TRIM2: variants seen among roughly 807,000 people sequenced by gnomAD.
The protein encoded by TRIM2 is tripartite motif containing 2, also known as tripartite motif-containing protein 2.
In TRIM2, 20 loss-of-function variants were observed where a neutral mutation model predicts 75.2. The ratio of observed to expected loss-of-function variants is 0.27; its 90% confidence interval spans 0.19 to 0.39. TRIM2 has a LOEUF of 0.39. TRIM2 is among the 10% of genes least tolerant of loss of function. TRIM2 has a pLI of 1.00. For missense variants in TRIM2, 660 were observed against 990.8 expected, an observed-to-expected ratio of 0.67 and a Z score of 4.48; for synonymous variants, 373 against 388.3, an observed-to-expected ratio of 0.96 and a Z score of 0.46.
intron 1 of TRIM2, among the ~76,000 whole-genome samples, chr4:153,171,882 G>C (rs1211018394): frequency 8.2e-6 from 1 of 122,110 alleles, no homozygotes; most frequent in Non-Finnish European, 1.6e-5. Flanking sequence ...GCAAATCTCA[G>C]ATATTTTGAT....
intron 1 of TRIM2, among the ~76,000 whole-genome samples, chr4:153,183,212 G>A (rs933891780): frequency 1.3e-5 from 2 of 152,202 alleles, no homozygotes; most frequent in African/African-American, 2.4e-5. Flanking sequence ...CACAGCTGTC[G>A]TGGTCTGCAC....
chr4:153,165,407 T>G (rs1191050756), intron 1 of TRIM2, among the ~76,000 whole-genome samples: 1 of 152,062 alleles, frequency 6.6e-6, no homozygotes, highest in African/African-American at 2.4e-5. Context: ...CATGGCTCAC[T>G]GCAGCCTCAA....
At chr4:153,300,104 G>A in intron 6 of TRIM2, among the ~76,000 whole-genome samples, 1 of 152,162 alleles carries the variant, frequency 6.6e-6, no homozygotes, top group East Asian at 1.9e-4. Context: ...TATATACCCA[G>A]TACTGGGATT....
intron 1 of TRIM2, among the ~76,000 whole-genome samples, chr4:153,256,592 A>C (rs1319515057): frequency 6.6e-6 from 1 of 152,236 alleles, no homozygotes; most frequent in Non-Finnish European, 1.5e-5. Context: ...AATCACTATC[A>C]TATGGCTACT....
At position 153,194,627 on chromosome 4, in the gene TRIM2, G is replaced by A. The variant is rs10034969; in HGVS notation, c.-49+41357G>A. Among the ~76,000 whole-genome samples, 987 of 152,284 alleles carry A rather than the reference G, an allele frequency of 6.5e-3. 8 individuals are homozygous for A. Among genetic ancestry groups the A allele is most frequent in the African/African-American group, 0.022 (927 of 41,558 alleles). ...AGGGAGGGATTACAAAGGGGTCCAA[G>A]GAAGTTTTTGGGGTGATAAGTATAT... is the stretch of plus-strand genomic sequence containing the variant. On this transcript the variant is annotated intron_variant, in intron 1 of 11. Transcript: ENST00000437508.
intron 1 of TRIM2, among the ~76,000 whole-genome samples, chr4:153,187,562 C>T (rs943268511): frequency 1.3e-5 from 2 of 152,196 alleles, no homozygotes; most frequent in Admixed American, 6.5e-5. Flanking sequence ...AGGAAGAAGG[C>T]TGCGTTGAGA....
intron 1 of TRIM2, among the ~76,000 whole-genome samples, chr4:153,220,418 T>G (rs1739632970): frequency 1.3e-5 from 2 of 152,158 alleles, no homozygotes; most frequent in Non-Finnish European, 2.9e-5. Flanking sequence ...AGACTAACTC[T>G]AGTTAGTCTG....
At position 153,221,697 on chromosome 4, in the gene TRIM2, GAGGA is replaced by G. The variant is rs751582929; in HGVS notation, c.30+17151_30+17154del. ...GAAGGTAAGGAAGGAAGGATGGAGG[GAGGA>G]AGGAAGGAAGGAAAGAAGAAAAGAA... On this transcript the variant is annotated intron_variant, in intron 1 of 11. Transcript: ENST00000338700. Among the ~76,000 whole-genome samples, 291 of 151,428 alleles carry G rather than the reference GAGGA, an allele frequency of 1.9e-3. 3 individuals are homozygous for G. The highest frequency in any genetic ancestry group is 0.015 in the South Asian group (72 of 4,760).
rs564744349 is a variant in TRIM2, at chr4:153,232,471, C to T, written c.30+27911C>T. 3.3e-5 allele frequency among the ~76,000 whole-genome samples: 5 copies of T among 152,258 alleles called. No individual in the cohort carries two copies. The East Asian group carries it at 9.6e-4, about 29-fold the overall frequency. ...CCAAGATCATGCCACTGCGCTCCAG[C>T]CTGGTGACAGAGTGAGGCTGCATCT... On this transcript the variant is annotated intron_variant, in intron 1 of 11. Coordinates refer to ENST00000338700, the MANE Select transcript of TRIM2 (RefSeq NM_015271.5).
chr4:153,288,095 A>T (rs996072324), intron 3 of TRIM2, among the ~76,000 whole-genome samples: 1 of 151,800 alleles, frequency 6.6e-6, no homozygotes, highest in Non-Finnish European at 1.5e-5. Context: ...TGAATATATT[A>T]CCCCATTGAT....
In TRIM2 at chr4:153,333,457, T is replaced by C. The variant is rs569031612; in HGVS notation, c.2164-1357T>C. Reference sequence around the variant, plus strand: ...ACACACACAACCCAAAGTCAATGTATTGGGTTTTGTGTGGTACCATAATTA... The same window carrying C: ...ACACACACAACCCAAAGTCAATGTACTGGGTTTTGTGTGGTACCATAATTA... On this transcript the variant is annotated intron_variant, in intron 11 of 11. Coordinates refer to ENST00000338700, the MANE Select transcript of TRIM2 (RefSeq NM_015271.5). 9.2e-5 allele frequency among the ~76,000 whole-genome samples: 14 copies of C among 152,332 alleles called. No individual in the cohort carries two copies. In the South Asian group the frequency reaches 2.9e-3, roughly 32 times the overall value.
chr4:153,181,389 G>A (rs1485132922), intron 1 of TRIM2, among the ~76,000 whole-genome samples: 1 of 152,216 alleles, frequency 6.6e-6, no homozygotes, highest in Admixed American at 6.5e-5. Context: ...AGAGGGGAAT[G>A]GTTCCAATAA....
At chr4:153,279,740 C>T (rs1001877947) in intron 3 of TRIM2, among the ~76,000 whole-genome samples, 14 of 151,972 alleles carry the variant, frequency 9.2e-5, no homozygotes, top group African/African-American at 2.4e-4. Flanking sequence ...GTCAGGAGTT[C>T]GAGACCAGCC....
At chr4:153,221,872 A>G in intron 1 of TRIM2, among the ~76,000 whole-genome samples, 2 of 118,486 alleles carry the variant, frequency 1.7e-5, no homozygotes, top group Non-Finnish European at 3.5e-5. Flanking sequence ...GAGAGGAAGG[A>G]AGGGAAGGAG....
rs575618973 is a variant in TRIM2 at position 153,188,809 on chromosome 4, G to A, written c.-49+35539G>A. Among the ~76,000 whole-genome samples, 3 of 151,560 alleles carry A rather than the reference G, an allele frequency of 2.0e-5. No homozygotes were observed. The East Asian group carries it at 5.8e-4, about 29-fold the overall frequency. On this transcript the variant is annotated intron_variant, in intron 1 of 11. Coordinates refer to the TRIM2 transcript ENST00000437508. Reference sequence around the variant, plus strand: ...TCCAAATCATTTTCTGTCCTGTCCTGTGTTCACATAAAGAATCTTGTTTTA... The same window carrying A: ...TCCAAATCATTTTCTGTCCTGTCCTATGTTCACATAAAGAATCTTGTTTTA...
At chr4:153,281,080 A>T (rs1418146170) in intron 3 of TRIM2, among the ~76,000 whole-genome samples, 1 of 152,242 alleles carries the variant, frequency 6.6e-6, no homozygotes, top group East Asian at 1.9e-4. Flanking sequence ...CACAGAGGAT[A>T]TATAAATGCC....
In TRIM2 at chr4:153,207,970, G is replaced by A. The variant is rs533526278; in HGVS notation, c.30+3410G>A. 2.0e-5 allele frequency among the ~76,000 whole-genome samples: 3 copies of A among 152,300 alleles called. No individual in the cohort carries two copies. In the South Asian group the frequency reaches 6.2e-4, roughly 32 times the overall value. The stretch of plus-strand genomic sequence containing the variant: ...CTTATCCATGTTGAAGGCTCATCCA[G>A]GAATAATAGATGGGTCTTGTGTGTG... On this transcript the variant is annotated intron_variant, in intron 1 of 11. Transcript: ENST00000338700.
chr4:153,283,794 G>A (rs28788481), intron 3 of TRIM2, among the ~76,000 whole-genome samples: 20,798 of 149,632 alleles, frequency 0.14, 1,557 homozygotes, highest in African/African-American at 0.2. Context: ...ATGCCACCAC[G>A]CCCCGTGAAT....
At chr4:153,302,037 T>C (rs1441189022) in intron 6 of TRIM2, among the ~76,000 whole-genome samples, 1 of 152,266 alleles carries the variant, frequency 6.6e-6, no homozygotes, top group South Asian at 2.1e-4. Context: ...GATATTTTGA[T>C]AGCAGTTGCA....
Sources: allele counts gnomAD v4.1 joint callset (sites outside exome capture counted in the v4.1 genomes callset), GRCh38; gene constraint gnomAD v4.1.1; transcripts MANE v1.5; gene names NCBI Gene and HGNC (gene_info 2026-07-23, HGNC 2026-07-21).